Variants in RBPMS observed in about 807,000 individuals in gnomAD.
RBPMS encodes the protein RNA-binding protein with multiple splicing.
Under a neutral mutation model 26.8 loss-of-function variants are expected in RBPMS, and 7 were observed. The ratio of observed to expected loss-of-function variants is 0.26; its 90% CI spans 0.15 to 0.49. The LOEUF (loss-of-function observed/expected upper bound fraction) is 0.49, where lower values mean the gene tolerates loss of function less well. Among genes scored for constraint, RBPMS ranks in the 20% least tolerant of loss-of-function variants. The pLI is 0.98. For synonymous variants in RBPMS, 96 were observed against 93.3 expected, an observed-to-expected ratio of 1.03 and a Z score of -0.17; for missense variants, 186 against 250.0, an observed-to-expected ratio of 0.74 and a Z score of 1.73.
intron 1 of RBPMS, among the ~76,000 whole-genome samples, chr8:30,452,945 T>C (rs1814758678): frequency 6.6e-6 from 1 of 152,222 alleles, no homozygotes; most frequent in Admixed American, 6.5e-5. Context: ...TCAGAGCAAA[T>C]TGAGGGTTAC....
At chr8:30,421,419 A>G (rs1810777008) in intron 1 of RBPMS, among the ~76,000 whole-genome samples, 1 of 152,108 alleles carries the variant, frequency 6.6e-6, no homozygotes, top group African/African-American at 2.4e-5. Context: ...TTATGTCACT[A>G]CTTTGTGGTG....
At chr8:30,555,933 C>A in intron 6 of RBPMS, 1 of 985,466 alleles carries the variant, frequency 1.0e-6, no homozygotes, top group Non-Finnish European at 1.2e-6. Flanking sequence ...GCTGCCCGAA[C>A]TCTGCTGTGC....
At chr8:30,535,110 C>T (rs1280284538) in intron 5 of RBPMS, among the ~76,000 whole-genome samples, 1 of 152,072 alleles carries the variant, frequency 6.6e-6, no homozygotes, top group East Asian at 1.9e-4. Flanking sequence ...CTTTTTTCGT[C>T]AAGGACTGGA....
chr8:30,503,404 G>A (rs1229691379), intron 4 of RBPMS, among the ~76,000 whole-genome samples: 4 of 151,298 alleles, frequency 2.6e-5, no homozygotes, highest in South Asian at 2.1e-4. Context: ...GGTGCATGCC[G>A]CCACGCCCAG....
chr8:30,557,654 G>A (rs575117978), intron 6 of RBPMS, among the ~76,000 whole-genome samples: 6 of 152,282 alleles, frequency 3.9e-5, no homozygotes, highest in East Asian at 3.9e-4. Context: ...GCCACCCTGC[G>A]GGAGGGCATC....
intron 1 of RBPMS, among the ~76,000 whole-genome samples, chr8:30,389,427 A>G (rs910235637): frequency 5.4e-4 from 82 of 152,292 alleles, no homozygotes; most frequent in African/African-American, 1.9e-3. Context: ...TCGTAGGTTC[A>G]TGTTAATTTT....
At chr8:30,539,191 T>G (rs929918231) in intron 5 of RBPMS, among the ~76,000 whole-genome samples, 15 of 152,218 alleles carry the variant, frequency 9.9e-5, no homozygotes, top group Non-Finnish European at 2.2e-4. Flanking sequence ...GTGTCATGGC[T>G]GCTGTTTTTC....
chr8:30,540,548 C>G (rs1825274957), intron 5 of RBPMS, among the ~76,000 whole-genome samples: 1 of 152,096 alleles, frequency 6.6e-6, no homozygotes, highest in Non-Finnish European at 1.5e-5. Flanking sequence ...ACCTTAGCCT[C>G]CCGAGTAGTT....
At chr8:30,544,665 A>G in intron 6 of RBPMS, 41 bp downstream of exon 6, 1 of 1,611,738 alleles carries the variant, frequency 6.2e-7, no homozygotes, top group Non-Finnish European at 8.5e-7. Context: ...TCACTTCACC[A>G]CCAGTCCTTT....
intron 4 of RBPMS, among the ~76,000 whole-genome samples, chr8:30,501,472 T>G (rs1288934364): frequency 6.6e-6 from 1 of 151,778 alleles, no homozygotes; most frequent in Non-Finnish European, 1.5e-5. Flanking sequence ...CTTTTAAAGA[T>G]CTCCCAGAAT....
At chr8:30,485,500 A>T (rs1818681743) in intron 4 of RBPMS, among the ~76,000 whole-genome samples, 1 of 152,202 alleles carries the variant, frequency 6.6e-6, no homozygotes, top group Non-Finnish European at 1.5e-5. Context: ...TCTAGTGTTT[A>T]TCTGTTAAAT....
chr8:30,539,098 A>G (rs1255026927), intron 5 of RBPMS, among the ~76,000 whole-genome samples: 1 of 152,204 alleles, frequency 6.6e-6, no homozygotes, highest in Non-Finnish European at 1.5e-5. Flanking sequence ...GATTGCTAAC[A>G]GAATCCTTGA....
In RBPMS at chr8:30,474,848, C is replaced by A; in HGVS notation, c.136C>A (p.Pro46Thr). The change falls in exon 2 of 9, where the codon CCA (proline) becomes ACA (threonine). Residue 46 changes from proline to threonine, a missense_variant. Pro to Thr is a conservative substitution (Grantham distance 38, BLOSUM62 -1). Around this residue, in one of 3 missense-constraint regions of RBPMS, gnomAD observed 50 missense variants for 108.5 expected, o/e 0.46. Transcript: ENST00000397323. ...TCGGGAGCTCTATCTGCTTTTCAGA[C>A]CATTTAAGGTACCTTTTTTTATCTT... ...KPRELYLLFRPFKGYEGSLIK... is the reference protein window; with the variant it reads ...KPRELYLLFRTFKGYEGSLIK... The A allele has an allele frequency of 6.3e-7, 1 of 1,599,038 alleles. No individual in the cohort carries two copies.
intron 1 of RBPMS, among the ~76,000 whole-genome samples, chr8:30,423,121 G>T (rs1164850074): frequency 6.6e-6 from 1 of 152,204 alleles, no homozygotes; most frequent in Non-Finnish European, 1.5e-5. Flanking sequence ...CTCACTTCCA[G>T]CCTGTTTACT....
intron 5 of RBPMS, among the ~76,000 whole-genome samples, chr8:30,517,207 T>TGTGA (rs1399319631): frequency 1.4e-5 from 2 of 147,486 alleles, no homozygotes; most frequent in Non-Finnish European, 3.0e-5. Flanking sequence ...TGTGTGTGTG[T>TGTGA]GTGTGTGTGT....
In RBPMS at chr8:30,419,067, G is replaced by GAA. The variant is rs1284042952; in HGVS notation, c.66+33923_66+33924dup. On this transcript the variant is annotated intron_variant, in intron 1 of 8. Transcript: ENST00000397323. ...CATAGAAAATCCAAGATTATCAGTT[G>GAA]AAAAAAAAAAAAAAACAGAACTAAT... Among the ~76,000 whole-genome samples the GAA allele has an allele frequency of 4.6e-3, 526 of 113,140 alleles. 5 individuals are homozygous for GAA. The highest frequency in any genetic ancestry group is 9.4e-3 in the African/African-American group (318 of 33,754). 74.2% of individuals were successfully genotyped at this position (113,140 alleles called of 152,430 possible).
chr8:30,484,783 C>T (rs1818619962), intron 4 of RBPMS, among the ~76,000 whole-genome samples: 1 of 152,096 alleles, frequency 6.6e-6, no homozygotes, highest in Non-Finnish European at 1.5e-5. Flanking sequence ...AAACTTAGCC[C>T]TATTTTCATT....
intron 4 of RBPMS, among the ~76,000 whole-genome samples, chr8:30,488,680 AAC>A (rs1215282796): frequency 2.0e-5 from 3 of 152,230 alleles, no homozygotes; most frequent in African/African-American, 7.2e-5. Flanking sequence ...AAATTCTGAA[AAC>A]ACACTTGAAA....
At chr8:30,426,280 T>C (rs1184918769) in intron 1 of RBPMS, among the ~76,000 whole-genome samples, 1 of 152,214 alleles carries the variant, frequency 6.6e-6, no homozygotes, top group South Asian at 2.1e-4. Context: ...CCTTTTAATC[T>C]TGTGGTAGAA....
Sources: gnomAD v4.1 joint callset for allele counts (sites outside exome capture counted in the v4.1 genomes callset) on GRCh38, gnomAD v4.1.1 for gene constraint, gnomAD v4.1.1 regional missense constraint, MANE v1.5 for transcripts, NCBI Gene and HGNC (gene_info 2026-07-23, HGNC 2026-07-21) for gene names.